The following CORO2B variants were observed in gnomAD, a reference collection of about 807,000 sequenced individuals.
CORO2B encodes coronin-2B.
CORO2B carries 26 observed loss-of-function variants against 58.8 expected under a neutral mutation model. That is an observed-to-expected ratio of 0.44 (90% confidence interval 0.32 to 0.61). The LOEUF is 0.61. CORO2B is among the 20% of genes least tolerant of loss of function. The pLI is 0.04. For missense variants in CORO2B, 460 were observed against 645.1 expected (o/e 0.71, Z 3.11); for synonymous variants, 242 against 253.8 (o/e 0.95, Z 0.44).
chr15:68,545,612 C>CTGGGGGGG, the CORO2B span, among the ~76,000 whole-genome samples: 2 of 53,262 alleles, frequency 3.8e-5, no homozygotes, highest in African/African-American at 1.4e-4. Flanking sequence ...ATGCGGGGGG[C>CTGGGGGGG]GGGGGGGGTA....
At chr15:68,677,033 C>T (rs374973580) in intron 2 of CORO2B, among the ~76,000 whole-genome samples, 4 of 152,132 alleles carry the variant, frequency 2.6e-5, no homozygotes, top group Non-Finnish European at 5.9e-5. Context: ...TTCAGCCTCC[C>T]AAAATGCTGG....
intron 1 of CORO2B, among the ~76,000 whole-genome samples, chr15:68,598,386 T>C (rs1449803190): frequency 2.6e-5 from 4 of 152,246 alleles, no homozygotes; most frequent in Non-Finnish European, 5.9e-5. Context: ...GAAGTTCTGC[T>C]GTCTCTGCTT....
At chr15:68,692,039 C>T (rs1292398272) in intron 2 of CORO2B, among the ~76,000 whole-genome samples, 1 of 152,182 alleles carries the variant, frequency 6.6e-6, no homozygotes, top group Non-Finnish European at 1.5e-5. Flanking sequence ...GGCCTGTCTG[C>T]CCATGAAAAG....
At chr15:68,647,064 C>T (rs1037641896) in intron 2 of CORO2B, among the ~76,000 whole-genome samples, 1 of 152,180 alleles carries the variant, frequency 6.6e-6, no homozygotes, top group African/African-American at 2.4e-5. Context: ...GGTCAACAAG[C>T]AATACCTCAC....
the CORO2B span, among the ~76,000 whole-genome samples, chr15:68,529,093 C>T: frequency 6.6e-6 from 1 of 152,080 alleles, no homozygotes; most frequent in Non-Finnish European, 1.5e-5. Flanking sequence ...CCTGGACAAA[C>T]AAAGGGAGCG....
chr15:68,564,110 C>T, the CORO2B span, among the ~76,000 whole-genome samples: 1 of 152,130 alleles, frequency 6.6e-6, no homozygotes, highest in Non-Finnish European at 1.5e-5. Context: ...GGTCTAAGTT[C>T]TAAAACTTAG....
intron 1 of CORO2B, among the ~76,000 whole-genome samples, chr15:68,605,442 C>G (rs1900086824): frequency 6.6e-6 from 1 of 152,100 alleles, no homozygotes. Context: ...AAATAAAGGC[C>G]TAATGGTATG....
intron 5 of CORO2B, among the ~76,000 whole-genome samples, chr15:68,712,332 A>C (rs1046710884): frequency 2.0e-5 from 3 of 152,200 alleles, no homozygotes; most frequent in African/African-American, 7.2e-5. Flanking sequence ...TTACCTTGGA[A>C]TAGTCCAATA....
At chr15:68,538,609 T>A in the CORO2B span, among the ~76,000 whole-genome samples, 1 of 152,252 alleles carries the variant, frequency 6.6e-6, no homozygotes, top group Non-Finnish European at 1.5e-5. Flanking sequence ...TTTGGCCCCA[T>A]TTTGGTCCTT....
At chr15:68,558,913 G>T in the CORO2B span, among the ~76,000 whole-genome samples, 1 of 152,190 alleles carries the variant, frequency 6.6e-6, no homozygotes, top group African/African-American at 2.4e-5. Context: ...CCGCGGGGAG[G>T]TGTTGTGAGA....
the CORO2B span, among the ~76,000 whole-genome samples, chr15:68,531,293 C>T: frequency 1.3e-5 from 2 of 151,622 alleles, no homozygotes; most frequent in Non-Finnish European, 2.9e-5. Flanking sequence ...CCAGCCTGGC[C>T]AACCTGGTGA....
At chr15:68,663,081 A>T (rs1010093231) in intron 2 of CORO2B, among the ~76,000 whole-genome samples, 2 of 152,228 alleles carry the variant, frequency 1.3e-5, no homozygotes, top group African/African-American at 4.8e-5. Flanking sequence ...GGATAAATGG[A>T]CCCAAACAAT....
At chr15:68,661,910 A>T (rs1474580459) in intron 2 of CORO2B, among the ~76,000 whole-genome samples, 1 of 152,188 alleles carries the variant, frequency 6.6e-6, no homozygotes, top group Admixed American at 6.5e-5. Flanking sequence ...AGGAGGCTGA[A>T]GCAGGAGAAT....
At chr15:68,621,858 G>C (rs1458533139) in intron 1 of CORO2B, among the ~76,000 whole-genome samples, 1 of 151,196 alleles carries the variant, frequency 6.6e-6, no homozygotes, top group Non-Finnish European at 1.5e-5. Context: ...CCAGGTTCAA[G>C]TGATCCTCCC....
chr15:68,713,866 C>A, intron 5 of CORO2B, 59 bp from the exon 6 acceptor site: 1 of 1,153,134 alleles, frequency 8.7e-7, no homozygotes, highest in Non-Finnish European at 1.3e-6. Flanking sequence ...ACCATTCATG[C>A]CACTGCAGAA....
At chr15:68,647,689 C>CAAAA (rs3084725) in intron 2 of CORO2B, among the ~76,000 whole-genome samples, 41,806 of 121,698 alleles carry the variant, frequency 0.34, 7,354 homozygotes, top group Admixed American at 0.45. Context: ...AACTCCATCT[C>CAAAA]AAAAAAAAAA....
intron 2 of CORO2B, among the ~76,000 whole-genome samples, chr15:68,653,616 G>C (rs963858373): frequency 2.0e-5 from 3 of 152,148 alleles, no homozygotes; most frequent in African/African-American, 7.2e-5. Flanking sequence ...TGGCCCAGCT[G>C]GTCTTAACTC....
In CORO2B at chr15:68,616,623, G is replaced by A. The variant is rs977931281; in HGVS notation, c.16-28537G>A. The A allele has an allele frequency of 1.2e-5, 12 of 985,260 alleles. 1 individual carries two copies. The highest frequency in any genetic ancestry group is 5.2e-4 in the Middle Eastern group (1 of 1,936). 61.0% of individuals were successfully genotyped at this position (985,260 alleles called of 1,614,324 possible). A position where few individuals can be genotyped will look rare whatever the true frequency, so the allele number is the denominator to read the frequency against. On this transcript the variant is annotated intron_variant, in intron 1 of 11. Transcript: ENST00000261861. ...AATGATTCTGACAAGCGGTGAGTAC[G>A]GCTGTGTCAGCGCGTGGGCCCCAGC...
chr15:68,570,750 C>T, the CORO2B span, among the ~76,000 whole-genome samples: 1 of 150,130 alleles, frequency 6.7e-6, no homozygotes, highest in Non-Finnish European at 1.5e-5. Context: ...AGAAGACCCC[C>T]ATGGTGCAGC....
Sources: gnomAD v4.1 joint callset for allele counts (sites outside exome capture counted in the v4.1 genomes callset) on GRCh38, gnomAD v4.1.1 for gene constraint, MANE v1.5 for transcripts, NCBI Gene and HGNC (gene_info 2026-07-23, HGNC 2026-07-21) for gene names.